RERE: variants seen among roughly 807,000 people sequenced by gnomAD.
The protein encoded by RERE is arginine-glutamic acid dipeptide repeats.
RERE carries 40 observed loss-of-function variants against 146.1 expected under a neutral mutation model. That is an observed-to-expected ratio of 0.27 (90% CI 0.21 to 0.36). The LOEUF (loss-of-function observed/expected upper bound fraction) is 0.36. Ranked by LOEUF, RERE falls within the 10% of genes least tolerant of loss-of-function variation. RERE has a pLI of 1.00. For missense variants in RERE, 1,933 were observed against 2,138.7 expected (o/e 0.90, Z 1.90); for synonymous variants, 1,003 against 866.0 (o/e 1.16, Z -2.78).
At chr1:8,666,119 A>G (rs1319418895) in intron 1 of RERE, among the ~76,000 whole-genome samples, 1 of 152,198 alleles carries the variant, frequency 6.6e-6, no homozygotes, top group Non-Finnish European at 1.5e-5. Context: ...TATCCAATAC[A>G]GTAGGTTAAG....
intron 1 of RERE, among the ~76,000 whole-genome samples, chr1:8,689,621 C>T (rs1002519588): frequency 6.6e-6 from 1 of 152,170 alleles, no homozygotes; most frequent in Non-Finnish European, 1.5e-5. Context: ...ACTGAAGTTT[C>T]AGTTCCCATG....
intron 7 of RERE, among the ~76,000 whole-genome samples, chr1:8,514,913 G>T (rs6577491): frequency 0.64 from 97,147 of 152,060 alleles, 31,523 homozygotes; most frequent in East Asian, 0.83. Flanking sequence ...CTTCTTTGAT[G>T]AATAACAACA....
At position 8,358,850 on chromosome 1, in the gene RERE, G is replaced by T. The variant is rs764812789; in HGVS notation, c.3685C>A (p.Arg1229=). The part of the protein sequence containing the change: ...DPQLSGPGHM[R]PSFEPPPTTI... ...GTTGGTGGTGGCTCGAAGGATGGCCGCATGTGGCCAGGACCACTGAGCTGT... is the reference window on the plus strand; with the variant it reads ...GTTGGTGGTGGCTCGAAGGATGGCCTCATGTGGCCAGGACCACTGAGCTGT... The change falls in exon 20 of 23, where the codon CGG becomes AGG. Residue 1229 remains arginine, a synonymous_variant. Transcript: ENST00000400908. 91 of 1,601,186 alleles carry T rather than the reference G, an allele frequency of 5.7e-5. No homozygotes were observed. The highest frequency in any genetic ancestry group is 1.7e-4 in the Middle Eastern group (1 of 5,990).
intron 12 of RERE, among the ~76,000 whole-genome samples, chr1:8,372,205 A>G (rs953388825): frequency 2.0e-5 from 3 of 152,166 alleles, no homozygotes; most frequent in African/African-American, 7.2e-5. Context: ...TTCAAACAGT[A>G]TGGGGCCCAG....
intron 3 of RERE, among the ~76,000 whole-genome samples, chr1:8,622,498 A>C (rs1472360374): frequency 8.2e-5 from 11 of 133,984 alleles, no homozygotes; most frequent in Admixed American, 5.3e-4. Flanking sequence ...AAAAAAAAAA[A>C]AAAAAAAAAA....
At chr1:8,501,073 T>G (rs1353593131) in intron 8 of RERE, among the ~76,000 whole-genome samples, 4 of 94,382 alleles carry the variant, frequency 4.2e-5, no homozygotes, top group South Asian at 3.9e-4. Context: ...AGCCGCCCCG[T>G]CCGGGAGGTG....
intron 12 of RERE, among the ~76,000 whole-genome samples, chr1:8,418,637 T>C (rs1570193492): frequency 6.6e-6 from 1 of 152,230 alleles, no homozygotes; most frequent in East Asian, 1.9e-4. Context: ...AAATAACTGA[T>C]ATGTCCTCAG....
chr1:8,628,504 A>G (rs536214761), intron 2 of RERE, among the ~76,000 whole-genome samples: 32 of 152,168 alleles, frequency 2.1e-4, no homozygotes, highest in Non-Finnish European at 4.0e-4. Context: ...CCTCTGACAA[A>G]TATTAGGATG....
intron 3 of RERE, among the ~76,000 whole-genome samples, chr1:8,620,972 C>A (rs998040260): frequency 6.6e-6 from 1 of 151,964 alleles, no homozygotes; most frequent in Non-Finnish European, 1.5e-5. Context: ...AACTTAATTG[C>A]TTGATACTAT....
intron 12 of RERE, among the ~76,000 whole-genome samples, chr1:8,412,710 T>G (rs1423706647): frequency 6.6e-6 from 1 of 152,048 alleles, no homozygotes; most frequent in Non-Finnish European, 1.5e-5. Flanking sequence ...AACAGGAGAG[T>G]TGATTTACTG....
chr1:8,501,187 G>A (rs1409994362), intron 8 of RERE, among the ~76,000 whole-genome samples: 9,677 of 74,348 alleles, frequency 0.13, no homozygotes, highest in Middle Eastern at 0.22. Flanking sequence ...CCGGCCAGCC[G>A]CCCCGTCCGG....
Position 8,463,002 on chromosome 1 carries a change from T to C in RERE, c.1203+2923A>G, listed in dbSNP as rs1326718295. 1.6e-4 allele frequency among the ~76,000 whole-genome samples: 24 copies of C among 152,242 alleles called. 1 individual carries two copies. The highest frequency in any genetic ancestry group is 1.4e-3 in the Admixed American group (22 of 15,292). On this transcript the variant is annotated intron_variant, in intron 11 of 22. Coordinates refer to ENST00000400908, the MANE Select transcript of RERE (RefSeq NM_001042681.2). Reference sequence around the variant, plus strand: ...AGCTGGAACACATTTGTTTTGCTTATTCCTGTGATTCCTGAGGTGAGAAAA... The same window carrying C: ...AGCTGGAACACATTTGTTTTGCTTACTCCTGTGATTCCTGAGGTGAGAAAA...
intron 1 of RERE, among the ~76,000 whole-genome samples, chr1:8,757,250 A>G (rs1640662016): frequency 6.6e-6 from 1 of 152,222 alleles, no homozygotes; most frequent in African/African-American, 2.4e-5. Context: ...TTTCTGTTAA[A>G]TAAAATTCAT....
intron 1 of RERE, among the ~76,000 whole-genome samples, chr1:8,798,223 G>T (rs969498598): frequency 6.6e-6 from 1 of 151,906 alleles, no homozygotes; most frequent in Non-Finnish European, 1.5e-5. Flanking sequence ...GGCGAAACCC[G>T]GTCTCTACTA....
intron 8 of RERE, among the ~76,000 whole-genome samples, chr1:8,497,968 T>C (rs1218886516): frequency 6.6e-6 from 1 of 152,256 alleles, no homozygotes; most frequent in Non-Finnish European, 1.5e-5. Context: ...AAAAATTAAG[T>C]GAGCTATCCT....
rs751043542 is a variant in RERE, at chr1:8,362,754, G to A, written c.1831C>T (p.Arg611Trp). 5.0e-6 allele frequency: 8 copies of A among 1,614,070 alleles called. No individual in the cohort carries two copies. Among genetic ancestry groups the A allele is most frequent in the East Asian group, 2.2e-5 (1 of 44,890 alleles). Reference protein sequence around the residue: ...PINEDIRSSGRNSPSAASTSS... With the variant: ...PINEDIRSSGWNSPSAASTSS... ...GTACTGGCAGCGCTGGGGGAGTTCC[G>A]GCCGCTGGAGCGGATGTCTTCATTG... Residue 611 changes from arginine to tryptophan, a missense_variant, in exon 16 of 23, where the codon CGG becomes TGG. Physicochemically the swap from Arg to Trp is moderately radical, Grantham distance 101 (BLOSUM62 -3). Coordinates refer to ENST00000400908, the MANE Select transcript of RERE (RefSeq NM_001042681.2).
intron 1 of RERE, chr1:8,786,908 C>CCTT: frequency 1.2e-6 from 1 of 828,758 alleles, no homozygotes; most frequent in South Asian, 1.4e-5. Context: ...ACAACAGGAA[C>CCTT]CTTCTTCTTC....
At chr1:8,466,130 A>G in intron 10 of RERE, 107 bp from the exon 11 acceptor site, 1 of 895,980 alleles carries the variant, frequency 1.1e-6, no homozygotes, top group South Asian at 1.7e-5. Flanking sequence ...AGAGTCAGGA[A>G]AGGGGCACTG....
rs373642302 is a variant in RERE at position 8,654,228 on chromosome 1, G to A, written c.325+1745C>T. Among the ~76,000 whole-genome samples the A allele has an allele frequency of 1.8e-3, 279 of 151,984 alleles. 2 individuals are homozygous for A. The highest frequency in any genetic ancestry group is 6.5e-3 in the African/African-American group (268 of 41,436). On this transcript the variant is annotated intron_variant, in intron 2 of 22. Transcript: ENST00000400908. Reference sequence around the variant, plus strand: ...ATTTTTTACTGTTTTGCAGAGATACGGTCTCACTATGTTGCCCAGGCTGGT... The same window carrying A: ...ATTTTTTACTGTTTTGCAGAGATACAGTCTCACTATGTTGCCCAGGCTGGT...
Sources: allele counts gnomAD v4.1 joint callset (sites outside exome capture counted in the v4.1 genomes callset), GRCh38; gene constraint gnomAD v4.1.1; transcripts MANE v1.5; gene names NCBI Gene and HGNC (gene_info 2026-07-23, HGNC 2026-07-21).